The following GPATCH8 variants were observed in gnomAD, a reference collection of about 807,000 sequenced individuals.
GPATCH8 encodes the protein G-patch domain containing 8.
GPATCH8 carries 18 observed loss-of-function variants against 118.3 expected under a neutral mutation model. That is an observed-to-expected ratio of 0.15 (90% CI 0.11 to 0.23). The LOEUF (loss-of-function observed/expected upper bound fraction) is 0.23, where lower values mean the gene tolerates loss of function less well. Ranked by LOEUF, GPATCH8 falls within the 10% of genes least tolerant of loss-of-function variation. The probability of loss-of-function intolerance (pLI) is 1.00; values close to 1 mark genes in which losing one functional copy is unlikely to be tolerated. For missense variants in GPATCH8, 1,631 were observed against 1,873.8 expected (o/e 0.87, Z 2.39); for synonymous variants, 659 against 684.7 (o/e 0.96, Z 0.59).
intron 1 of GPATCH8, among the ~76,000 whole-genome samples, chr17:44,488,223 C>CTT (rs927607960): frequency 0.019 from 1,902 of 101,310 alleles, 45 homozygotes; most frequent in Non-Finnish European, 0.026. Context: ...GTGCCTGACC[C>CTT]TTTTTTTTTT....
intron 2 of GPATCH8, among the ~76,000 whole-genome samples, chr17:44,469,436 T>A (rs1199651279): frequency 2.0e-5 from 3 of 152,178 alleles, no homozygotes; most frequent in African/African-American, 7.2e-5. Context: ...GGAAAAAATT[T>A]ACTTTATTGT....
At chr17:44,435,622 G>A (rs1462288915) in intron 4 of GPATCH8, among the ~76,000 whole-genome samples, 3 of 148,914 alleles carry the variant, frequency 2.0e-5, no homozygotes, top group African/African-American at 4.9e-5. Flanking sequence ...TCATCATGTT[G>A]GCCAGGCTGA....
chr17:44,483,176 AATATATATATATATAT>A (rs1163758356), intron 1 of GPATCH8, among the ~76,000 whole-genome samples: 200 of 12,888 alleles, frequency 0.016, 2 homozygotes, highest in Non-Finnish European at 0.021. Flanking sequence ...AAAAAAAAAA[AATATATATATATATAT>A]ATATATATAT....
chr17:44,461,789 G>C (rs2051560971), intron 3 of GPATCH8, among the ~76,000 whole-genome samples: 1 of 151,890 alleles, frequency 6.6e-6, no homozygotes, highest in African/African-American at 2.4e-5. Flanking sequence ...AACCTTCCGG[G>C]CTCAGGCAAT....
chr17:44,492,987 G>C (rs1375595252), intron 1 of GPATCH8, among the ~76,000 whole-genome samples: 1 of 149,850 alleles, frequency 6.7e-6, no homozygotes, highest in Non-Finnish European at 1.5e-5. Context: ...AGACAAGCAA[G>C]AAGTCATAAA....
chr17:44,441,376 A>G (rs2050682811), intron 3 of GPATCH8, among the ~76,000 whole-genome samples: 1 of 132,526 alleles, frequency 7.5e-6, no homozygotes, highest in African/African-American at 2.6e-5. Context: ...GAACACCACA[A>G]TGCATCTCTG....
chr17:44,497,330 C>CT (rs1295467841), intron 1 of GPATCH8, among the ~76,000 whole-genome samples: 1 of 152,182 alleles, frequency 6.6e-6, no homozygotes. Context: ...TGGCACATGC[C>CT]TGTAATCTCA....
rs770107270 is a variant in GPATCH8, at chr17:44,396,249, A to G, written c.*1319T>C. ...AACCCAGGAATCCCCCCAGACAATCACCAAATCTCACTGCTTCCAGACAAT... is the reference window on the plus strand; with the variant it reads ...AACCCAGGAATCCCCCCAGACAATCGCCAAATCTCACTGCTTCCAGACAAT... On this transcript the variant is annotated 3_prime_UTR_variant, in exon 8 of 8. Transcript: ENST00000591680. 9.5e-5 allele frequency: 43 copies of G among 454,506 alleles called. No individual in the cohort carries two copies. The highest frequency in any genetic ancestry group is 6.7e-4 in the South Asian group (43 of 64,474). 28.2% of individuals were successfully genotyped at this position (454,506 alleles called of 1,614,324 possible).
intron 5 of GPATCH8, among the ~76,000 whole-genome samples, chr17:44,425,165 G>A (rs959582134): frequency 1.8e-4 from 27 of 152,206 alleles, no homozygotes; most frequent in African/African-American, 5.8e-4. Context: ...AGCAAGTTGA[G>A]TATATTCATT....
chr17:44,416,717 G>A (rs772323227), intron 6 of GPATCH8, among the ~76,000 whole-genome samples: 25 of 152,148 alleles, frequency 1.6e-4, no homozygotes, highest in Non-Finnish European at 3.2e-4. Flanking sequence ...AAGTAATCCT[G>A]TCAAAAAGCA....
At chr17:44,488,779 A>G (rs1747290900) in intron 1 of GPATCH8, among the ~76,000 whole-genome samples, 1 of 151,918 alleles carries the variant, frequency 6.6e-6, no homozygotes, top group East Asian at 1.9e-4. Context: ...CAAATCTAAA[A>G]TTACTTTAAA....
chr17:44,482,242 A>C lies in GPATCH8; in HGVS notation c.46-7339T>G, dbSNP rs564578381. On this transcript the variant is annotated intron_variant, in intron 1 of 7. Transcript: ENST00000591680. Reference sequence around the variant, plus strand: ...CAGTGGGTGGGGGGCAAGGGGAGGGAAAGCATTACGACAAATACCTAATGC... The same window carrying C: ...CAGTGGGTGGGGGGCAAGGGGAGGGCAAGCATTACGACAAATACCTAATGC... Among the ~76,000 whole-genome samples, 195 of 152,100 alleles carry C rather than the reference A, an allele frequency of 1.3e-3. 1 individual carries two copies. Among genetic ancestry groups the C allele is most frequent in the African/African-American group, 4.5e-3 (187 of 41,506 alleles).
At chr17:44,469,927 G>GAT (rs1305981174) in intron 2 of GPATCH8, among the ~76,000 whole-genome samples, 1 of 152,190 alleles carries the variant, frequency 6.6e-6, no homozygotes, top group African/African-American at 2.4e-5. Flanking sequence ...GATCTAGACA[G>GAT]ATATGCAACA....
intron 1 of GPATCH8, among the ~76,000 whole-genome samples, chr17:44,477,426 G>T (rs1967866174): frequency 6.6e-6 from 1 of 151,998 alleles, no homozygotes; most frequent in Admixed American, 6.6e-5. Flanking sequence ...TAAGAGAAGG[G>T]GGTCTCACTA....
chr17:44,474,766 G>A (rs747109482), intron 2 of GPATCH8, 63 bp downstream of exon 2: 5 of 820,924 alleles, frequency 6.1e-6, no homozygotes, highest in South Asian at 5.4e-5. Context: ...CTCACATCAA[G>A]TGTCACACGA....
chr17:44,403,906 C>T (rs2049121870), intron 7 of GPATCH8, among the ~76,000 whole-genome samples: 2 of 151,058 alleles, frequency 1.3e-5, no homozygotes, highest in South Asian at 4.2e-4. Context: ...GTTGGTCAGG[C>T]TGGTCTCAAG....
At chr17:44,454,446 C>T (rs1476613668) in intron 3 of GPATCH8, among the ~76,000 whole-genome samples, 3 of 152,160 alleles carry the variant, frequency 2.0e-5, no homozygotes, top group African/African-American at 7.2e-5. Flanking sequence ...TGTTATTTTG[C>T]CATGACTTAA....
Position 44,400,129 on chromosome 17 carries a change from T to A in GPATCH8, c.1948A>T (p.Ser650Cys). 6.2e-7 allele frequency: 1 copy of A among 1,614,008 alleles called. No homozygotes were observed. The highest frequency in any genetic ancestry group is 8.5e-7 in the Non-Finnish European group (1 of 1,180,020). Reference protein sequence around the residue: ...SGLNKQEPGGSHGSETEDTGR... With the variant: ...SGLNKQEPGGCHGSETEDTGR... The stretch of plus-strand genomic sequence containing the variant: ...GTGTCTTCTGTCTCAGACCCATGGC[T>A]ACCCCCAGGCTCCTGCTTGTTCAGG... The change falls in exon 8 of 8, where the codon AGC becomes TGC. Residue 650 changes from serine to cysteine, a missense_variant. Transcript: ENST00000591680.
chr17:44,420,494 AC>A (rs1274974764), intron 6 of GPATCH8, among the ~76,000 whole-genome samples: 4 of 152,168 alleles, frequency 2.6e-5, no homozygotes, highest in Admixed American at 2.6e-4. Flanking sequence ...GCTGGCCTCA[AC>A]CTACTAGATG....
Sources: gnomAD v4.1 joint callset for allele counts (sites outside exome capture counted in the v4.1 genomes callset) on GRCh38, gnomAD v4.1.1 for gene constraint, MANE v1.5 for transcripts, NCBI Gene and HGNC (gene_info 2026-07-23, HGNC 2026-07-21) for gene names.